PFKFB3: variants seen among roughly 807,000 people sequenced by gnomAD.
PFKFB3 encodes 6-phosphofructo-2-kinase/fructose-2,6-bisphosphatase 3.
In PFKFB3, 33 loss-of-function variants were observed where a neutral mutation model predicts 68.0. The ratio of observed to expected loss-of-function variants is 0.49; its 90% CI spans 0.37 to 0.65. PFKFB3 has a LOEUF of 0.65. Among genes scored for constraint, PFKFB3 ranks in the 30% least tolerant of loss-of-function variants. The pLI is 0.00. For synonymous variants in PFKFB3, 315 were observed against 288.2 expected, an observed-to-expected ratio of 1.09 and a Z score of -0.94; for missense variants, 586 against 712.2, an observed-to-expected ratio of 0.82 and a Z score of 2.02.
rs147548407 is a variant in PFKFB3, at chr10:6,219,649, C to T, written c.579C>T (p.Cys193=). ...AMDDFMKRIS[C]YEASYQPLDP... ...ACGACTTCATGAAGAGGATCAGTTG[C>T]TATGAAGCCAGCTACCAGCCCCTCG... Residue 193 remains cysteine (C), a synonymous_variant, in exon 7 of 15, where the codon TGC becomes TGT. Transcript: ENST00000379775. 3.0e-4 allele frequency: 479 copies of T among 1,613,776 alleles called. No individual in the cohort carries two copies. The highest frequency in any genetic ancestry group is 3.8e-4 in the Non-Finnish European group (453 of 1,179,814).
the PFKFB3 span, among the ~76,000 whole-genome samples, chr10:6,323,909 T>C: frequency 1.3e-5 from 2 of 152,338 alleles, no homozygotes; most frequent in East Asian, 1.9e-4. Context: ...CTTCTGGGCA[T>C]ATACCCCAAA....
the PFKFB3 span, among the ~76,000 whole-genome samples, chr10:6,289,622 T>A: frequency 6.6e-6 from 1 of 151,788 alleles, no homozygotes; most frequent in Non-Finnish European, 1.5e-5. Context: ...GTAGTATAGT[T>A]TGAAGTCAGG....
At chr10:6,281,064 C>T in the PFKFB3 span, among the ~76,000 whole-genome samples, 1 of 150,318 alleles carries the variant, frequency 6.7e-6, no homozygotes, top group Non-Finnish European at 1.5e-5. Flanking sequence ...GTTTGGTTTT[C>T]CATTCCTGAG....
the PFKFB3 span, among the ~76,000 whole-genome samples, chr10:6,261,384 A>T: frequency 6.6e-6 from 1 of 152,208 alleles, no homozygotes; most frequent in Non-Finnish European, 1.5e-5. Flanking sequence ...GCAGGAACAT[A>T]GATGGAGCTG....
intron 14 of PFKFB3, among the ~76,000 whole-genome samples, chr10:6,226,907 G>A (rs1221794251): frequency 3.9e-5 from 6 of 152,160 alleles, no homozygotes; most frequent in Admixed American, 3.3e-4. Context: ...CCAACATGGC[G>A]AAACCCTGTC....
chr10:6,233,252 T>G lies in PFKFB3; in HGVS notation c.*310T>G. Reference sequence around the variant, plus strand: ...GCCTTGGGAGGGTGATGAGTGCTGGTCCTGACAGGAGGCCGCTGGGGACAC... The same window carrying G: ...GCCTTGGGAGGGTGATGAGTGCTGGGCCTGACAGGAGGCCGCTGGGGACAC... On this transcript the variant is annotated 3_prime_UTR_variant, in exon 15 of 15. Coordinates refer to ENST00000379775, the MANE Select transcript of PFKFB3 (RefSeq NM_004566.4). 2.8e-6 allele frequency: 1 copy of G among 352,392 alleles called. No individual in the cohort carries two copies. The allele number at this position is 352,392 out of a possible 1,614,324, so 21.8% of individuals were successfully genotyped here. A position where few individuals can be genotyped will look rare whatever the true frequency, so the allele number is the denominator to read the frequency against.
chr10:6,249,288 A>G (rs1408344579), intron 14 of PFKFB3, among the ~76,000 whole-genome samples: 2 of 152,146 alleles, frequency 1.3e-5, no homozygotes, highest in Non-Finnish European at 2.9e-5. Context: ...AAGTTCTTCA[A>G]AATGTGGAAA....
At chr10:6,282,995 G>T in the PFKFB3 span, among the ~76,000 whole-genome samples, 1 of 152,114 alleles carries the variant, frequency 6.6e-6, no homozygotes, top group Non-Finnish European at 1.5e-5. Context: ...GACAGAGTTT[G>T]GTTCTTCTTG....
the PFKFB3 span, among the ~76,000 whole-genome samples, chr10:6,298,960 G>A: frequency 6.6e-6 from 1 of 152,266 alleles, no homozygotes; most frequent in South Asian, 2.1e-4. Flanking sequence ...GTTCATCTCT[G>A]TTGGCTGCAT....
the PFKFB3 span, among the ~76,000 whole-genome samples, chr10:6,262,594 T>C: frequency 0.63 from 95,806 of 152,032 alleles, 30,527 homozygotes; most frequent in Non-Finnish European, 0.68. Flanking sequence ...TAAGGATATT[T>C]GTGTGTGTTA....
intron 1 of PFKFB3, among the ~76,000 whole-genome samples, chr10:6,206,820 C>G (rs548434129): frequency 4.8e-4 from 8 of 16,524 alleles, no homozygotes; most frequent in African/African-American, 1.3e-3. Flanking sequence ...CGGGCAGAGA[C>G]GCTCCTCACT....
Position 6,219,569 on chromosome 10 carries a change from G to C in PFKFB3, c.499G>C (p.Glu167Gln). 1 of 1,614,040 alleles carries C rather than the reference G, an allele frequency of 6.2e-7. No homozygotes were observed. Among genetic ancestry groups the C allele is most frequent in the Non-Finnish European group, 8.5e-7 (1 of 1,179,964 alleles). ...CAGCCACCCCTTTGTGGTGTTGCAG[G>C]AAGTTAAAATCTCCAGCCCGGATTA... ...DPTVVASNIMEVKISSPDYKD... is the reference protein window; with the variant it reads ...DPTVVASNIMQVKISSPDYKD... Residue 167 changes from glutamate (E) to glutamine (Q), a missense_variant and splice_region_variant, in exon 7 of 15, where the codon GAA (glutamate) becomes CAA (glutamine). Transcript: ENST00000379775.
chr10:6,179,927 A>G (rs1489712723), intron 1 of PFKFB3, among the ~76,000 whole-genome samples: 1 of 152,190 alleles, frequency 6.6e-6, no homozygotes, highest in Non-Finnish European at 1.5e-5. Context: ...ACTCGAGACC[A>G]GGAGCATCCA....
At chr10:6,177,354 C>CTCTTTCTTTCTTTCTTTCTTTCTTTCTT (rs71294418) in intron 1 of PFKFB3, among the ~76,000 whole-genome samples, 5 of 77,922 alleles carry the variant, frequency 6.4e-5, no homozygotes, top group East Asian at 4.0e-4. Context: ...CTTTTCTTTT[C>CTCTTTCTTTCTTTCTTTCTTTCTTTCTT]TCTTTCTTTC....
chr10:6,307,509 T>TTTTCCTTCCTTCCTTC, the PFKFB3 span, among the ~76,000 whole-genome samples: 1 of 128,156 alleles, frequency 7.8e-6, no homozygotes, highest in African/African-American at 2.9e-5. Context: ...CTCCTTCTCT[T>TTTTCCTTCCTTCCTTC]TTTCCTTCCT....
chr10:6,186,581 G>A (rs760782882), intron 1 of PFKFB3, among the ~76,000 whole-genome samples: 5 of 152,238 alleles, frequency 3.3e-5, no homozygotes, highest in Non-Finnish European at 5.9e-5. Flanking sequence ...GAATGGCACT[G>A]TGTATGTGGA....
chr10:6,215,973 G>A lies in PFKFB3; in HGVS notation c.300-152G>A. On this transcript the variant is annotated intron_variant, in intron 3 of 14. Coordinates refer to ENST00000379775, the MANE Select transcript of PFKFB3 (RefSeq NM_004566.4). This position sits in a 1 kb window ranked among gnomAD's most constrained non-coding sequence, Gnocchi z 4.3. Reference sequence around the variant, plus strand: ...TGGGGCCCCAGGTTGGAAGCCTCTGGGCCTGAGGGGTGCTGGCCAGCCTGC... The same window carrying A: ...TGGGGCCCCAGGTTGGAAGCCTCTGAGCCTGAGGGGTGCTGGCCAGCCTGC... 1 of 770,734 alleles carries A rather than the reference G, an allele frequency of 1.3e-6. No homozygotes were observed. Among genetic ancestry groups the A allele is most frequent in the Non-Finnish European group, 2.2e-6 (1 of 452,502 alleles). 47.7% of individuals were successfully genotyped at this position (770,734 alleles called of 1,614,324 possible).
chr10:6,174,125 A>G (rs1012687137), intron 1 of PFKFB3, among the ~76,000 whole-genome samples: 1 of 143,472 alleles, frequency 7.0e-6, no homozygotes, highest in Admixed American at 6.7e-5. Flanking sequence ...GGTGCTCCTT[A>G]CTCCAAAGCC....
chr10:6,144,973 C>G (rs1320869562), exon 1 of PFKFB3: 2 of 1,293,474 alleles, frequency 1.5e-6, no homozygotes, highest in Non-Finnish European at 2.0e-6. Context: ...CGCGGGCCGG[C>G]CCCGCGGGGA....
Sources: allele counts gnomAD v4.1 joint callset (sites outside exome capture counted in the v4.1 genomes callset), GRCh38; gene constraint gnomAD v4.1.1; non-coding constraint Gnocchi (gnomAD v3.1); transcripts MANE v1.5; gene names NCBI Gene and HGNC (gene_info 2026-07-23, HGNC 2026-07-21).